ZNF878: variants seen among roughly 807,000 people sequenced by gnomAD.
ZNF878 encodes the protein zinc finger protein 878.
In ZNF878, 10 loss-of-function variants were observed where a neutral mutation model predicts 11.1. The observed-to-expected ratio is 0.90, with a 90% confidence interval of 0.56 to 1.53. The LOEUF is 1.53. Ranked by LOEUF, ZNF878 falls within the 40% of genes most tolerant of loss-of-function variation. The pLI, the probability that ZNF878 is intolerant of heterozygous loss-of-function variation, is 0.00. For missense variants in ZNF878, 548 were observed against 626.1 expected, an observed-to-expected ratio of 0.88 and a Z score of 1.33; for synonymous variants, 165 against 209.7, an observed-to-expected ratio of 0.79 and a Z score of 1.84.
intron 1 of ZNF878, among the ~76,000 whole-genome samples, chr19:12,050,614 T>C (rs1975540201): frequency 6.6e-6 from 1 of 152,186 alleles, no homozygotes; most frequent in South Asian, 2.1e-4. Flanking sequence ...CAGATTAGCT[T>C]TCTTTCTTAC....
At position 12,044,101 on chromosome 19, in the gene ZNF878, C is replaced by T; in HGVS notation, c.1300G>A (p.Val434Ile). The T allele has an allele frequency of 6.2e-7, 1 of 1,605,146 alleles. No individual in the cohort carries two copies. Among genetic ancestry groups the T allele is most frequent in the Non-Finnish European group, 8.5e-7 (1 of 1,177,212 alleles). ...TCATGCATTTTAAGTTGTGAGGCAA[C>T]TCTAAAGACTTTACCACATTGCTTA... ...GCKQCGKVFR[V>I]ASQLKMHERT... Residue 434 changes from valine to isoleucine, a missense_variant, in exon 4 of 4, where the codon GTT (valine) becomes ATT (isoleucine). Val to Ile is a conservative substitution (Grantham distance 29). Transcript: ENST00000547628.
rs370406030 is a variant in ZNF878, at chr19:12,046,755, C to T, written c.9G>A (p.Ser3=). Residue 3 remains serine, a synonymous_variant, in exon 2 of 4, where the codon TCG becomes TCA. Coordinates refer to ENST00000547628, the MANE Select transcript of ZNF878 (RefSeq NM_001080404.3). ...TCACAGCCACATCCTCAAAGGCCAC[C>T]GAATCCTGAAATATCCCACATGTGG... MD[S]VAFEDVAVNF... is the part of the protein sequence containing the mutation. The T allele has an allele frequency of 2.4e-5, 38 of 1,613,832 alleles. 2 individuals are homozygous for T. The highest frequency in any genetic ancestry group is 2.3e-4 in the African/African-American group (17 of 74,988).
At chr19:12,051,095 CAAAAAAAA>C (rs370628123) in intron 1 of ZNF878, among the ~76,000 whole-genome samples, 2 of 37,186 alleles carry the variant, frequency 5.4e-5, no homozygotes, top group Non-Finnish European at 1.1e-4. Flanking sequence ...GACTCCGTCT[CAAAAAAAA>C]AAAAAAAAAA....
chr19:12,044,642 T>C lies in ZNF878; in HGVS notation c.759A>G (p.Lys253=). ...TATCACATTGCTTGCATTTATAGCG[T>C]TTCTCTCCAGTGTGACTTTTCTCGT... ...KRHEKSHTGE[K]RYKCKQCDKA... Residue 253 remains lysine, a synonymous_variant, in exon 4 of 4, where the codon AAA becomes AAG. Coordinates refer to ENST00000547628, the MANE Select transcript of ZNF878 (RefSeq NM_001080404.3). 5.0e-6 allele frequency: 8 copies of C among 1,614,142 alleles called. No homozygotes were observed. Among genetic ancestry groups the C allele is most frequent in the Non-Finnish European group, 6.8e-6 (8 of 1,180,020 alleles).
At chr19:12,051,201 T>C (rs1975548282) in intron 1 of ZNF878, among the ~76,000 whole-genome samples, 1 of 144,964 alleles carries the variant, frequency 6.9e-6, no homozygotes, top group South Asian at 2.2e-4. Flanking sequence ...TGTAATCTGA[T>C]ACAGGAGAAT....
chr19:12,049,427 C>G (rs543446563), intron 1 of ZNF878, among the ~76,000 whole-genome samples: 1 of 116,350 alleles, frequency 8.6e-6, no homozygotes, highest in East Asian at 2.8e-4. Flanking sequence ...TGTCACTGCA[C>G]TCCAGCCTGA....
intron 3 of ZNF878, chr19:12,046,024 A>G (rs143889828): frequency 0.012 from 2,308 of 193,316 alleles, 28 homozygotes; most frequent in Middle Eastern, 0.026. Flanking sequence ...CAGCTTTTAC[A>G]TGCTATTTTA....
intron 1 of ZNF878, among the ~76,000 whole-genome samples, chr19:12,049,421 A>G (rs893394215): frequency 3.1e-4 from 40 of 130,748 alleles, no homozygotes; most frequent in African/African-American, 1.2e-3. Context: ...AGATGGTGTC[A>G]CTGCACTCCA....
intron 1 of ZNF878, among the ~76,000 whole-genome samples, chr19:12,049,479 A>AAAAAAAAAAAAAAAAC: frequency 6.7e-6 from 1 of 148,646 alleles, no homozygotes; most frequent in African/African-American, 2.5e-5. Context: ...AAAAAAAAAA[A>AAAAAAAAAAAAAAAAC]AAGAATAACA....
At chr19:12,051,294 G>A (rs546604460) in intron 1 of ZNF878, among the ~76,000 whole-genome samples, 1 of 152,004 alleles carries the variant, frequency 6.6e-6, no homozygotes, top group African/African-American at 2.4e-5. Context: ...GCGAAACTCC[G>A]TCTCAAACAA....
chr19:12,049,972 C>T (rs1159226610), intron 1 of ZNF878, among the ~76,000 whole-genome samples: 1 of 152,128 alleles, frequency 6.6e-6, no homozygotes, highest in Non-Finnish European at 1.5e-5. Flanking sequence ...TGCCTGTAAT[C>T]CCAGCACTGT....
At chr19:12,051,095 CAAA>C (rs370628123) in intron 1 of ZNF878, among the ~76,000 whole-genome samples, 2 of 37,186 alleles carry the variant, frequency 5.4e-5, no homozygotes, top group Non-Finnish European at 1.1e-4. Context: ...GACTCCGTCT[CAAA>C]AAAAAAAAAA....
In ZNF878 at chr19:12,045,036, C is replaced by A. The variant is rs1412810787; in HGVS notation, c.365G>T (p.Arg122Ile). 3 of 1,613,948 alleles carry A rather than the reference C, an allele frequency of 1.9e-6. No individual in the cohort carries two copies. The highest frequency in any genetic ancestry group is 2.5e-6 in the Non-Finnish European group (3 of 1,180,004). The change falls in exon 4 of 4, where the codon AGA (arginine) becomes ATA (isoleucine). Residue 122 changes from arginine (R) to isoleucine (I), a missense_variant. Physicochemically the swap from Arg to Ile is moderately conservative, Grantham distance 97. Coordinates refer to ENST00000547628, the MANE Select transcript of ZNF878 (RefSeq NM_001080404.3). ...IGLSSLNRHLRAFSYSSSLAI... is the reference protein window; with the variant it reads ...IGLSSLNRHLIAFSYSSSLAI... ...AAGGCTACTGGAATAACTAAAGGCT[C>A]TGAGGTGCCTATTAAGGGATGAAAG...
Position 12,044,583 on chromosome 19 carries a change from T to C in ZNF878, c.818A>G (p.His273Arg). The change falls in exon 4 of 4, where the codon CAT becomes CGT. Residue 273 changes from histidine to arginine, a missense_variant. Coordinates refer to ENST00000547628, the MANE Select transcript of ZNF878 (RefSeq NM_001080404.3). ...AFNCPSSFQY[H>R]ERTHSGEKPY... ...TTTCTCTCCACTGTGAGTCCTTTCA[T>C]GATATTGAAAGGAACTGGGACAATT... 3 of 1,614,022 alleles carry C rather than the reference T, an allele frequency of 1.9e-6. No individual in the cohort carries two copies. Among genetic ancestry groups the C allele is most frequent in the Non-Finnish European group, 2.5e-6 (3 of 1,179,920 alleles).
At chr19:12,050,615 T>G (rs533034463) in intron 1 of ZNF878, among the ~76,000 whole-genome samples, 7 of 152,300 alleles carry the variant, frequency 4.6e-5, no homozygotes, top group East Asian at 1.9e-4. Context: ...AGATTAGCTT[T>G]CTTTCTTACC....
chr19:12,044,090 T>C lies in ZNF878; in HGVS notation c.1311A>G (p.Gln437=). The change falls in exon 4 of 4, where the codon CAA becomes CAG. Residue 437 remains glutamine, a synonymous_variant. Transcript: ENST00000547628. The part of the protein sequence containing the change: ...QCGKVFRVAS[Q]LKMHERTHTG... Reference sequence around the variant, plus strand: ...TGTGAGTCCTTTCATGCATTTTAAGTTGTGAGGCAACTCTAAAGACTTTAC... The same window carrying C: ...TGTGAGTCCTTTCATGCATTTTAAGCTGTGAGGCAACTCTAAAGACTTTAC... The C allele has an allele frequency of 6.2e-7, 1 of 1,610,800 alleles. No homozygotes were observed. The highest frequency in any genetic ancestry group is 8.5e-7 in the Non-Finnish European group (1 of 1,179,154).
intron 1 of ZNF878, among the ~76,000 whole-genome samples, chr19:12,052,499 C>G (rs1413851664): frequency 6.6e-6 from 1 of 152,238 alleles, no homozygotes; most frequent in Non-Finnish European, 1.5e-5. Context: ...CCCCATGACC[C>G]TTCCATGGTC....
At chr19:12,049,525 A>G (rs983421136) in intron 1 of ZNF878, among the ~76,000 whole-genome samples, 5 of 147,634 alleles carry the variant, frequency 3.4e-5, no homozygotes, top group African/African-American at 1.2e-4. Context: ...TAATCCCAAC[A>G]CTTTGGGAAG....
At position 12,044,258 on chromosome 19, in the gene ZNF878, G is replaced by A; in HGVS notation, c.1143C>T (p.Ser381=). 1.2e-6 allele frequency: 2 copies of A among 1,613,188 alleles called. No individual in the cohort carries two copies. Among genetic ancestry groups the A allele is most frequent in the Non-Finnish European group, 1.7e-6 (2 of 1,179,784 alleles). ...QCGKTFTSSN[S]FHYHERTHTG... ...TGTGAGTCCTTTCATGATAGTGAAAGGAATTGGAAGAAGTGAAGGTTTTCC... is the reference window on the plus strand; with the variant it reads ...TGTGAGTCCTTTCATGATAGTGAAAAGAATTGGAAGAAGTGAAGGTTTTCC... Residue 381 remains serine, a synonymous_variant, in exon 4 of 4, where the codon TCC becomes TCT. Coordinates refer to ENST00000547628, the MANE Select transcript of ZNF878 (RefSeq NM_001080404.3).
Sources: allele counts gnomAD v4.1 joint callset (sites outside exome capture counted in the v4.1 genomes callset), GRCh38; gene constraint gnomAD v4.1.1; transcripts MANE v1.5; gene names NCBI Gene and HGNC (gene_info 2026-07-23, HGNC 2026-07-21).